The following DENND2D variants were observed in gnomAD, a reference collection of about 807,000 sequenced individuals.
DENND2D encodes DENN domain-containing protein 2D.
A neutral mutation model predicts 59.8 loss-of-function variants in DENND2D; 37 were observed. The observed-to-expected ratio is 0.62, with a 90% CI of 0.48 to 0.81. The LOEUF is 0.81. DENND2D is among the 40% of genes least tolerant of loss of function. The probability of loss-of-function intolerance (pLI) is 0.00; values close to 1 mark genes in which losing one functional copy is unlikely to be tolerated. For synonymous variants in DENND2D, 219 were observed against 211.3 expected (o/e 1.04, Z -0.31); for missense variants, 525 against 579.7 (o/e 0.91, Z 0.97).
intron 8 of DENND2D, 147 bp from the exon 9 acceptor site, chr1:111,189,400 A>G (rs1244303500): frequency 1.3e-6 from 1 of 770,160 alleles, no homozygotes; most frequent in Non-Finnish European, 2.2e-6. Flanking sequence ...CCTATCTAGC[A>G]TTCTCCTTTC....
upstream of DENND2D, among the ~76,000 whole-genome samples, chr1:111,202,960 G>C (rs1405437721): frequency 6.6e-6 from 1 of 152,168 alleles, no homozygotes; most frequent in African/African-American, 2.4e-5. Context: ...GTCTCCTCTG[G>C]GCTGCAGGGG....
intron 6 of DENND2D, 130 bp downstream of exon 6, chr1:111,195,786 C>G: frequency 7.4e-7 from 1 of 1,343,376 alleles, no homozygotes; most frequent in Non-Finnish European, 1.0e-6. Flanking sequence ...CCATTCTAAC[C>G]AAGTCCCAGT....
upstream of DENND2D, chr1:111,201,063 G>A (rs115062532): frequency 2.4e-3 from 369 of 155,312 alleles, 1 homozygote; most frequent in African/African-American, 8.4e-3. Flanking sequence ...AGAGCACATG[G>A]CCAAACACTT....
chr1:111,189,307 G>A, intron 8 of DENND2D, 54 bp from the exon 9 acceptor site: 1 of 1,600,500 alleles, frequency 6.2e-7, no homozygotes, highest in East Asian at 2.2e-5. Context: ...TAGACCCCCA[G>A]AGGATTTACC....
intron 4 of DENND2D, chr1:111,197,645 G>T: frequency 7.3e-7 from 1 of 1,374,614 alleles, no homozygotes; most frequent in Non-Finnish European, 9.4e-7. Context: ...AGGTAAGCAG[G>T]CCTGGATAGA....
chr1:111,204,247 T>TCCCCGGTGCCCACGCCGTCC, upstream of DENND2D: 2 of 1,443,570 alleles, frequency 1.4e-6, no homozygotes, highest in Non-Finnish European at 1.8e-6. Context: ...TAGCCCCGGC[T>TCCCCGGTGCCCACGCCGTCC]CCCCGGTGCC....
At position 111,198,988 on chromosome 1, in the gene DENND2D, C is replaced by T. The variant is rs562329670; in HGVS notation, c.244-246G>A. 4.7e-5 allele frequency among the ~76,000 whole-genome samples: 7 copies of T among 148,160 alleles called. No homozygotes were observed. In the South Asian group the frequency reaches 1.5e-3, roughly 32 times the overall value. Reference sequence around the variant, plus strand: ...CAACTCTACATAAGCTTGAGTTCGACCTCAGTATCGAGATCTACATAGAAA... The same window carrying T: ...CAACTCTACATAAGCTTGAGTTCGATCTCAGTATCGAGATCTACATAGAAA... On this transcript the variant is annotated intron_variant, in intron 2 of 11. Coordinates refer to ENST00000357640, the MANE Select transcript of DENND2D (RefSeq NM_024901.5).
upstream of DENND2D, chr1:111,200,680 C>T (rs939149063): frequency 9.8e-6 from 13 of 1,326,788 alleles, no homozygotes; most frequent in African/African-American, 1.9e-4. Flanking sequence ...AAGCCAGCAC[C>T]AACAGAGTCA....
chr1:111,197,608 C>G lies in DENND2D; in HGVS notation c.426+312G>C. ...TGAAACTAATTGTCCAAGTCCCAGC[C>G]TCTGCTCTGGGAGGCTCCAGGGGCC... On this transcript the variant is annotated intron_variant, in intron 4 of 11. Coordinates refer to ENST00000357640, the MANE Select transcript of DENND2D (RefSeq NM_024901.5). 15 of 1,355,426 alleles carry G rather than the reference C, an allele frequency of 1.1e-5. No individual in the cohort carries two copies. In the South Asian group the frequency reaches 1.9e-4, roughly 17 times the overall value. The allele number at this position is 1,355,426 out of a possible 1,614,324, so 84.0% of individuals were successfully genotyped here. A position where few individuals can be genotyped will look rare whatever the true frequency, so the allele number is the denominator to read the frequency against.
chr1:111,187,618 T>G lies in DENND2D; in HGVS notation c.1403A>C (p.Lys468Thr). Reference protein sequence around the residue: ...EQKKQKKPREKTVK With the variant: ...EQKKQKKPRETTVK ...TCACCACAGCTCTTATTTCACAGTT[T>G]TTTCCCTTGGTTTCTTCTGTTTCTT... is the stretch of plus-strand genomic sequence containing the variant. The change falls in exon 12 of 12, where the codon AAA becomes ACA. Residue 468 changes from lysine to threonine, a missense_variant. By Grantham distance (78) the Lys-to-Thr change is moderately conservative. Coordinates refer to ENST00000357640, the MANE Select transcript of DENND2D (RefSeq NM_024901.5). 6.2e-7 allele frequency: 1 copy of G among 1,613,636 alleles called. No individual in the cohort carries two copies. The highest frequency in any genetic ancestry group is 8.5e-7 in the Non-Finnish European group (1 of 1,179,572).
Position 111,196,005 on chromosome 1 carries a change from G to C in DENND2D, c.556C>G (p.Pro186Ala). Residue 186 changes from proline to alanine, a missense_variant, in exon 6 of 12, where the codon CCG (proline) becomes GCG (alanine). By Grantham distance (27) the Pro-to-Ala change is conservative (BLOSUM62 -1). Coordinates refer to ENST00000357640, the MANE Select transcript of DENND2D (RefSeq NM_024901.5). ...GCCTCTCGGAGGCCCTGCATGAACG[G>C]GTAGATGACAGCCATGGAGATCTGA... ...RHQISMAVIY[P>A]FMQGLREAAF... 6.2e-7 allele frequency: 1 copy of C among 1,613,872 alleles called. No homozygotes were observed. The highest frequency in any genetic ancestry group is 8.5e-7 in the Non-Finnish European group (1 of 1,179,928).
intron 11 of DENND2D, 72 bp downstream of exon 11, chr1:111,188,059 C>A: frequency 6.4e-7 from 1 of 1,561,202 alleles, no homozygotes; most frequent in Non-Finnish European, 8.6e-7. Flanking sequence ...GAGAAGTATT[C>A]TTTCTTTCCC....
Position 111,186,937 on chromosome 1 carries a change from C to T in DENND2D, c.*668G>A, listed in dbSNP as rs1251302938. Among the ~76,000 whole-genome samples the T allele has an allele frequency of 6.6e-6, 1 of 152,176 alleles. No individual in the cohort carries two copies. Among genetic ancestry groups the T allele is most frequent in the Non-Finnish European group, 1.5e-5 (1 of 68,036 alleles). On this transcript the variant is annotated 3_prime_UTR_variant, in exon 12 of 12. Transcript: ENST00000357640. ...TCTCCTCCCAGGATTCTGGAAAGCA[C>T]ACCTGACTCCAAACCAAGGACTTAG...
intron 7 of DENND2D, 96 bp downstream of exon 7, chr1:111,194,481 AC>A: frequency 7.1e-7 from 1 of 1,402,384 alleles, no homozygotes; most frequent in Non-Finnish European, 9.8e-7. Flanking sequence ...GGGCGCATGG[AC>A]CCTACAGCCC....
At chr1:111,194,823 C>T in intron 6 of DENND2D, 97 bp from the exon 7 acceptor site, 1 of 1,383,776 alleles carries the variant, frequency 7.2e-7, no homozygotes, top group Admixed American at 2.0e-5. Flanking sequence ...TCCTTCTGCC[C>T]CCAGGAGTGA....
At chr1:111,200,761 T>C (rs1294776364), upstream of DENND2D, 2 of 1,200,098 alleles carry the variant, frequency 1.7e-6, no homozygotes, top group South Asian at 1.6e-5. Flanking sequence ...GAAAAGGTCA[T>C]GAGCAAACAC....
intron 8 of DENND2D, 162 bp from the exon 9 acceptor site, chr1:111,189,415 C>T: frequency 1.4e-6 from 1 of 704,596 alleles, no homozygotes; most frequent in Non-Finnish European, 2.4e-6. Flanking sequence ...CCTTTCTCAC[C>T]ATTCCCCTCT....
At chr1:111,193,361 A>G (rs1657947797) in intron 7 of DENND2D, among the ~76,000 whole-genome samples, 1 of 152,194 alleles carries the variant, frequency 6.6e-6, no homozygotes, top group Non-Finnish European at 1.5e-5. Flanking sequence ...TGAGAGGTGA[A>G]TCCTGCCGAC....
chr1:111,197,506 G>A (rs759004903), intron 4 of DENND2D: 202 of 1,402,286 alleles, frequency 1.4e-4, no homozygotes, highest in Admixed American at 6.1e-4. Context: ...TAGCAAGTGT[G>A]CCTTAGAGAT....
Sources: gnomAD v4.1 joint callset for allele counts (sites outside exome capture counted in the v4.1 genomes callset) on GRCh38, gnomAD v4.1.1 for gene constraint, MANE v1.5 for transcripts, NCBI Gene and HGNC (gene_info 2026-07-23, HGNC 2026-07-21) for gene names.